GRAMD1C: variants seen among roughly 807,000 people sequenced by gnomAD.
GRAMD1C encodes the protein GRAM domain containing 1C, also known as protein Aster-C.
Under a neutral mutation model 97.8 loss-of-function variants are expected in GRAMD1C, and 89 were observed. That is an observed-to-expected ratio of 0.91 (90% CI 0.77 to 1.09). The LOEUF is 1.09. Among genes scored for constraint, GRAMD1C ranks in the 50% least tolerant of loss-of-function variants. The probability of loss-of-function intolerance (pLI) is 0.00; values close to 1 mark genes in which losing one functional copy is unlikely to be tolerated. For synonymous variants in GRAMD1C, 256 were observed against 267.0 expected (o/e 0.96, Z 0.40); for missense variants, 740 against 766.4 (o/e 0.97, Z 0.41).
chr3:113,912,933 A>G (rs6798319), intron 9 of GRAMD1C: 53,226 of 274,906 alleles, frequency 0.19, 5,638 homozygotes, highest in Non-Finnish European at 0.22. Flanking sequence ...TGTTGTACTT[A>G]TTAAGTAGGC....
Position 113,875,565 on chromosome 3 carries a change from A to G in GRAMD1C, c.341A>G (p.Asn114Ser), listed in dbSNP as rs1324701837. The change falls in exon 4 of 18, where the codon AAC (asparagine) becomes AGC (serine). Residue 114 changes from asparagine (N) to serine (S), a missense_variant. By Grantham distance (46) the Asn-to-Ser change is conservative. Transcript: ENST00000358160. The part of the protein sequence containing the change: ...LSENWLCFYS[N>S]IFRWETTISI... ...GAAAACTGGCTATGTTTCTATAGCAACATCTTCAGATGGGAAACTACAGTA... is the reference window on the plus strand; with the variant it reads ...GAAAACTGGCTATGTTTCTATAGCAGCATCTTCAGATGGGAAACTACAGTA... 6.8e-7 allele frequency: 1 copy of G among 1,470,502 alleles called. No individual in the cohort carries two copies. The highest frequency in any genetic ancestry group is 9.5e-7 in the Non-Finnish European group (1 of 1,047,988). 91.1% of individuals were successfully genotyped at this position (1,470,502 alleles called of 1,614,324 possible).
At chr3:113,880,287 G>A (rs1460937846) in intron 5 of GRAMD1C, among the ~76,000 whole-genome samples, 1 of 151,888 alleles carries the variant, frequency 6.6e-6, no homozygotes. Flanking sequence ...AATGCTATCA[G>A]TTTGGTATAT....
chr3:113,922,048 A>G (rs759870237), intron 10 of GRAMD1C, among the ~76,000 whole-genome samples: 2 of 151,826 alleles, frequency 1.3e-5, no homozygotes, highest in Non-Finnish European at 2.9e-5. Context: ...GCCTGTGTCC[A>G]GAATGGTATT....
chr3:113,941,943 G>T (rs1937809062), intron 17 of GRAMD1C, among the ~76,000 whole-genome samples: 1 of 146,678 alleles, frequency 6.8e-6, no homozygotes, highest in East Asian at 2.0e-4. Context: ...TGAGACAAGA[G>T]TCTTACTCTG....
chr3:113,903,960 A>G (rs1271737174), intron 7 of GRAMD1C, among the ~76,000 whole-genome samples, 180 bp from the exon 8 acceptor site: 1 of 152,218 alleles, frequency 6.6e-6, no homozygotes, highest in Non-Finnish European at 1.5e-5. Context: ...CAGAAATGAT[A>G]TCAACTTGCA....
chr3:113,936,512 G>T, intron 14 of GRAMD1C, 70 bp downstream of exon 14: 1 of 968,644 alleles, frequency 1.0e-6, no homozygotes, highest in Non-Finnish European at 1.6e-6. Context: ...TGTGCCTCTT[G>T]TTTGTAAGAA....
rs368790218 is a variant in GRAMD1C, at chr3:113,939,910, T to C, written c.1716T>C (p.Asn572=). The change falls in exon 16 of 18, where the codon AAT becomes AAC. Residue 572 remains asparagine (N), a synonymous_variant. Transcript: ENST00000358160. The stretch of plus-strand genomic sequence containing the variant: ...GTGTGTTGTTATTAGTTTTGTTGAA[T>C]GTGACACTGTTTCTGAAGCTGTCAA... ...SIFVLLLVLL[N]VTLFLKLSKI... 1.2e-6 allele frequency: 2 copies of C among 1,603,900 alleles called. No homozygotes were observed. Among genetic ancestry groups the C allele is most frequent in the Non-Finnish European group, 1.7e-6 (2 of 1,170,630 alleles).
In GRAMD1C at chr3:113,838,829, C is replaced by G; in HGVS notation, c.-81C>G. 1 of 1,061,842 alleles carries G rather than the reference C, an allele frequency of 9.4e-7. No homozygotes were observed. The allele number at this position is 1,061,842 out of a possible 1,614,324, so 65.8% of individuals were successfully genotyped here. A position where few individuals can be genotyped will look rare whatever the true frequency, so the allele number is the denominator to read the frequency against. Reference sequence around the variant, plus strand: ...GAGGAGGCGCGCGGAGCCTGTAACTCGCAGCGCGCGCTGGAGGTGGGCGCG... The same window carrying G: ...GAGGAGGCGCGCGGAGCCTGTAACTGGCAGCGCGCGCTGGAGGTGGGCGCG... On this transcript the variant is annotated 5_prime_UTR_variant, in exon 1 of 18. Transcript: ENST00000358160.
At chr3:113,892,163 A>C (rs1935755469) in intron 6 of GRAMD1C, among the ~76,000 whole-genome samples, 1 of 152,112 alleles carries the variant, frequency 6.6e-6, no homozygotes, top group South Asian at 2.1e-4. Flanking sequence ...TAAAAGAATC[A>C]TCTTTTTCTC....
chr3:113,880,601 G>A (rs552854890), intron 5 of GRAMD1C, among the ~76,000 whole-genome samples: 15 of 152,146 alleles, frequency 9.9e-5, no homozygotes, highest in African/African-American at 3.1e-4. Context: ...GCCTGACCAT[G>A]CCCTCTTATG....
At chr3:113,891,629 C>T (rs1217065970) in intron 6 of GRAMD1C, among the ~76,000 whole-genome samples, 3 of 151,422 alleles carry the variant, frequency 2.0e-5, no homozygotes, top group African/African-American at 7.3e-5. Flanking sequence ...GCTTGTAATC[C>T]CAGCACTTCT....
At chr3:113,933,859 A>G (rs1376492462) in intron 12 of GRAMD1C, among the ~76,000 whole-genome samples, 1 of 152,224 alleles carries the variant, frequency 6.6e-6, no homozygotes, top group African/African-American at 2.4e-5. Flanking sequence ...CGTGATCCAG[A>G]ATATGTGTTG....
At chr3:113,914,370 G>A (rs1936723213) in intron 9 of GRAMD1C, among the ~76,000 whole-genome samples, 1 of 152,148 alleles carries the variant, frequency 6.6e-6, no homozygotes, top group African/African-American at 2.4e-5. Flanking sequence ...AGCAAAATAG[G>A]GAGACACAAA....
At chr3:113,837,770 T>C (rs1224061663), upstream of GRAMD1C, among the ~76,000 whole-genome samples, 2 of 151,360 alleles carry the variant, frequency 1.3e-5, no homozygotes, top group Non-Finnish European at 2.9e-5. Context: ...TAGTTAAGCA[T>C]GGTGGCACAC....
intron 8 of GRAMD1C, among the ~76,000 whole-genome samples, chr3:113,905,612 A>G (rs566216204): frequency 7.7e-4 from 118 of 152,316 alleles, no homozygotes; most frequent in African/African-American, 2.8e-3. Context: ...TAAGAGTTAA[A>G]TGAATTAGTA....
At chr3:113,856,540 T>TATGC (rs1412362852) in intron 2 of GRAMD1C, among the ~76,000 whole-genome samples, 4 of 151,958 alleles carry the variant, frequency 2.6e-5, no homozygotes, top group Non-Finnish European at 5.9e-5. Context: ...TGTATGTATG[T>TATGC]ATGTATTTAT....
chr3:113,876,847 A>T (rs771665870), intron 5 of GRAMD1C, among the ~76,000 whole-genome samples: 61 of 147,392 alleles, frequency 4.1e-4, no homozygotes, highest in Non-Finnish European at 6.9e-4. Context: ...GAAGGAAAGA[A>T]AGAAAAAAAA....
chr3:113,856,942 G>T (rs985894776), intron 2 of GRAMD1C, among the ~76,000 whole-genome samples: 5 of 151,318 alleles, frequency 3.3e-5, no homozygotes, highest in South Asian at 4.2e-4. Flanking sequence ...TGTGCTCAGA[G>T]ATCCTCATGC....
At chr3:113,829,177 C>T (rs112734944) in intron 1 of GRAMD1C, among the ~76,000 whole-genome samples, 9 of 152,098 alleles carry the variant, frequency 5.9e-5, no homozygotes, top group Admixed American at 2.6e-4. Context: ...AATCCCAGCA[C>T]GAGGGAAGGC....
Sources: gnomAD v4.1 joint callset for allele counts (sites outside exome capture counted in the v4.1 genomes callset) on GRCh38, gnomAD v4.1.1 for gene constraint, MANE v1.5 for transcripts, NCBI Gene and HGNC (gene_info 2026-07-23, HGNC 2026-07-21) for gene names.